The following RIN2 variants were observed in gnomAD, a reference collection of about 807,000 sequenced individuals.
RIN2 encodes the protein RAB5 interacting protein 2.
In RIN2, 36 loss-of-function variants were observed where a neutral mutation model predicts 78.0. The ratio of observed to expected loss-of-function variants is 0.46; its 90% CI spans 0.35 to 0.61. The LOEUF (loss-of-function observed/expected upper bound fraction) is 0.61, where lower values mean the gene tolerates loss of function less well. Ranked by LOEUF, RIN2 falls within the 20% of genes least tolerant of loss-of-function variation. The pLI is 0.00. For synonymous variants in RIN2, 466 were observed against 466.8 expected (o/e 1.00, Z 0.02); for missense variants, 1,087 against 1,159.7 (o/e 0.94, Z 0.91).
chr20:19,798,482 G>T (rs2035135185), intron 1 of RIN2, among the ~76,000 whole-genome samples: 1 of 152,020 alleles, frequency 6.6e-6, no homozygotes, highest in East Asian at 1.9e-4. Context: ...AGACTATGAA[G>T]TATTAGGAAA....
At chr20:19,869,693 A>C (rs2037623411) in intron 2 of RIN2, among the ~76,000 whole-genome samples, 1 of 151,348 alleles carries the variant, frequency 6.6e-6, no homozygotes, top group Admixed American at 6.6e-5. Context: ...TGGTGCAATC[A>C]CAGCTACTGC....
At chr20:19,839,881 G>T (rs2036532373) in intron 2 of RIN2, among the ~76,000 whole-genome samples, 1 of 152,158 alleles carries the variant, frequency 6.6e-6, no homozygotes, top group African/African-American at 2.4e-5. Flanking sequence ...AATCAAAAGT[G>T]CTTCTGTAAA....
At chr20:19,844,109 A>T (rs1358042726) in intron 2 of RIN2, among the ~76,000 whole-genome samples, 2 of 152,158 alleles carry the variant, frequency 1.3e-5, no homozygotes, top group Non-Finnish European at 2.9e-5. Flanking sequence ...AAAATAAGGG[A>T]GAGTAGCTCT....
chr20:19,984,812 T>G (rs1427018602), intron 9 of RIN2, among the ~76,000 whole-genome samples: 7 of 152,184 alleles, frequency 4.6e-5, no homozygotes, highest in Admixed American at 1.3e-4. Flanking sequence ...GCATATGTGG[T>G]TCATCTTTGA....
Position 19,799,751 on chromosome 20 carries a change from C to CG in RIN2, c.-37+5dup, listed in dbSNP as rs1193343540. The CG allele has an allele frequency of 6.6e-6, 1 of 152,154 alleles. No homozygotes were observed. The highest frequency in any genetic ancestry group is 2.4e-5 in the African/African-American group (1 of 41,394). The allele number at this position is 152,154 out of a possible 1,614,324, so 9.4% of individuals were successfully genotyped here. A position where few individuals can be genotyped will look rare whatever the true frequency, so the allele number is the denominator to read the frequency against. The stretch of plus-strand genomic sequence containing the variant: ...GAAGAGATGCTGGCGTGAAGGGGTA[C>CG]GTAGCAGCGAGACCATAAACCCAGT... On this transcript the variant is annotated splice_donor_region_variant and intron_variant, in intron 2 of 12. Coordinates refer to ENST00000255006, the MANE Select transcript of RIN2 (RefSeq NM_018993.4).
intron 9 of RIN2, among the ~76,000 whole-genome samples, chr20:19,980,702 CTA>C (rs776478571): frequency 1.7e-4 from 26 of 152,296 alleles, no homozygotes; most frequent in Non-Finnish European, 3.1e-4. Context: ...TAGGGCACAC[CTA>C]TGTTTTTCCA....
chr20:19,950,906 T>G (rs1464157695), intron 4 of RIN2, among the ~76,000 whole-genome samples: 1 of 149,686 alleles, frequency 6.7e-6, no homozygotes, highest in Non-Finnish European at 1.5e-5. Context: ...TTTTCTTTTT[T>G]TGGGACAGAG....
chr20:19,874,061 G>GGGGT (rs796933717), intron 2 of RIN2, among the ~76,000 whole-genome samples: 4 of 149,914 alleles, frequency 2.7e-5, no homozygotes, highest in African/African-American at 4.9e-5. Context: ...TTCACATTTT[G>GGGGT]GTGTGTGTGT....
rs537887167 is a variant in RIN2 at position 19,764,356 on chromosome 20, C to T, written c.-163+6029C>T. ...ACTGAGGGCAGCTGTGCATGGAAAC[C>T]TTTGAGTCTCGGAAAGTCAGCCAGG... On this transcript the variant is annotated intron_variant, in intron 1 of 12. Transcript: ENST00000255006. Among the ~76,000 whole-genome samples the T allele has an allele frequency of 7.8e-5, 7 of 89,464 alleles. 1 individual carries two copies. The highest frequency in any genetic ancestry group is 2.3e-4 in the African/African-American group (7 of 30,720). The allele number at this position is 89,464 out of a possible 152,430, so 58.7% of individuals were successfully genotyped here.
At chr20:19,969,251 C>CA (rs2042029787) in intron 7 of RIN2, among the ~76,000 whole-genome samples, 2 of 152,208 alleles carry the variant, frequency 1.3e-5, no homozygotes, top group Non-Finnish European at 2.9e-5. Flanking sequence ...TTATTCTCGT[C>CA]AGTGGAAATT....
At chr20:19,953,964 A>G (rs984915840) in intron 4 of RIN2, among the ~76,000 whole-genome samples, 3 of 152,228 alleles carry the variant, frequency 2.0e-5, no homozygotes, top group African/African-American at 7.2e-5. Flanking sequence ...AAGTTGAGCA[A>G]AGCTTTCACA....
intron 4 of RIN2, among the ~76,000 whole-genome samples, chr20:19,939,045 C>T (rs999063567): frequency 1.3e-5 from 2 of 152,106 alleles, no homozygotes; most frequent in Non-Finnish European, 2.9e-5. Flanking sequence ...GGCAGCTCTA[C>T]CTTTTATTTT....
chr20:19,819,279 C>A (rs543124846), intron 2 of RIN2, among the ~76,000 whole-genome samples: 1 of 152,352 alleles, frequency 6.6e-6, no homozygotes, highest in East Asian at 1.9e-4. Flanking sequence ...CAGATAGTCA[C>A]CTTCTCACAC....
At chr20:19,781,472 C>T (rs1402590413) in intron 1 of RIN2, among the ~76,000 whole-genome samples, 1 of 152,114 alleles carries the variant, frequency 6.6e-6, no homozygotes, top group African/African-American at 2.4e-5. Flanking sequence ...ATCTGCGTAC[C>T]CTTTACCAAG....
chr20:19,766,322 A>C (rs1029840503), intron 1 of RIN2, among the ~76,000 whole-genome samples: 6 of 152,168 alleles, frequency 3.9e-5, no homozygotes, highest in African/African-American at 1.4e-4. Flanking sequence ...AAATAATACA[A>C]ATAACCTACT....
At position 19,790,180 on chromosome 20, in the gene RIN2, A is replaced by G. The variant is rs554591724; in HGVS notation, c.-162-9442A>G. ...TTCATTTGTCTCTAGTAATTCTTCA[A>G]CTGCCTTTTGGATTTCTCAATCTGG... On this transcript the variant is annotated intron_variant, in intron 1 of 12. Transcript: ENST00000255006. 6.6e-5 allele frequency among the ~76,000 whole-genome samples: 10 copies of G among 152,182 alleles called. 1 individual carries two copies. The highest frequency in any genetic ancestry group is 2.2e-4 in the African/African-American group (9 of 41,516).
chr20:19,959,498 T>G (rs538556726), intron 5 of RIN2, among the ~76,000 whole-genome samples: 1 of 152,274 alleles, frequency 6.6e-6, no homozygotes, highest in South Asian at 2.1e-4. Flanking sequence ...ATCCCCATGG[T>G]GCCAGGAGAA....
intron 2 of RIN2, among the ~76,000 whole-genome samples, chr20:19,853,353 G>C (rs2037055380): frequency 6.6e-6 from 1 of 152,138 alleles, no homozygotes; most frequent in South Asian, 2.1e-4. Context: ...ACGTGTGCAT[G>C]TGTCTTTATA....
At chr20:19,886,809 G>GT in intron 2 of RIN2, 1 of 1,365,126 alleles carries the variant, frequency 7.3e-7, no homozygotes, top group Non-Finnish European at 1.0e-6. Context: ...AGTCTAGCCT[G>GT]TTACTGGGAT....
Sources: gnomAD v4.1 joint callset for allele counts (sites outside exome capture counted in the v4.1 genomes callset) on GRCh38, gnomAD v4.1.1 for gene constraint, MANE v1.5 for transcripts, NCBI Gene and HGNC (gene_info 2026-07-23, HGNC 2026-07-21) for gene names.